NDRG1: variants seen among roughly 807,000 people sequenced by gnomAD.
NDRG1 encodes the protein protein NDRG1.
A neutral mutation model predicts 56.9 loss-of-function variants in NDRG1; 32 were observed. The ratio of observed to expected loss-of-function variants is 0.56; its 90% CI spans 0.42 to 0.76. The LOEUF (loss-of-function observed/expected upper bound fraction) is 0.76. Ranked by LOEUF, NDRG1 falls within the 30% of genes least tolerant of loss-of-function variation. The pLI is 0.00. For synonymous variants in NDRG1, 211 were observed against 204.1 expected, an observed-to-expected ratio of 1.03 and a Z score of -0.29; for missense variants, 507 against 545.7, an observed-to-expected ratio of 0.93 and a Z score of 0.71.
Position 133,246,609 on chromosome 8 carries a change from C to G in NDRG1, c.855+7G>C. ...ACAAACACGAACCCCCACTGTTTTCCCTGTACCTTGAGGAGAGTGGTCTTT... is the reference window on the plus strand; with the variant it reads ...ACAAACACGAACCCCCACTGTTTTCGCTGTACCTTGAGGAGAGTGGTCTTT... On this transcript the variant is annotated splice_region_variant and intron_variant, in intron 13 of 15. Transcript: ENST00000323851. 6.2e-7 allele frequency: 1 copy of G among 1,614,060 alleles called. No individual in the cohort carries two copies. Among genetic ancestry groups the G allele is most frequent in the Admixed American group, 1.7e-5 (1 of 60,014 alleles).
intron 3 of NDRG1, chr8:133,264,923 C>T: frequency 2.0e-6 from 1 of 502,740 alleles, no homozygotes; most frequent in East Asian, 3.7e-5. Context: ...TTGCCCGCCA[C>T]CATCTCTGCC....
chr8:133,264,115 C>A (rs1257222325), intron 4 of NDRG1, among the ~76,000 whole-genome samples: 1 of 151,820 alleles, frequency 6.6e-6, no homozygotes, highest in Non-Finnish European at 1.5e-5. Flanking sequence ...TCAATGTATA[C>A]AAAATTCCAG....
Position 133,261,913 on chromosome 8 carries a change from T to C in NDRG1, c.326+134A>G, listed in dbSNP as rs891300433. ...TTATGTTATGTATCTTTTCCCACAA[T>C]TTAAAAAGTGCTTAAGATGATACGT... On this transcript the variant is annotated intron_variant, in intron 5 of 15. Coordinates refer to ENST00000323851, the MANE Select transcript of NDRG1 (RefSeq NM_006096.4). 6 of 1,292,946 alleles carry C rather than the reference T, an allele frequency of 4.6e-6. No homozygotes were observed. The Admixed American group carries it at 9.9e-5, about 21-fold the overall frequency. 80.1% of individuals were successfully genotyped at this position (1,292,946 alleles called of 1,614,324 possible).
chr8:133,242,539 C>A (rs186817268), intron 14 of NDRG1, among the ~76,000 whole-genome samples: 1 of 152,332 alleles, frequency 6.6e-6, no homozygotes, highest in East Asian at 1.9e-4. Flanking sequence ...ACAGGTAAAT[C>A]CACTCAGGGT....
rs62514044 is a variant in NDRG1 at position 133,257,328 on chromosome 8, C to G, written c.451-465G>C. Among the ~76,000 whole-genome samples the G allele has an allele frequency of 1.8e-3, 262 of 148,766 alleles. 1 individual carries two copies. Among genetic ancestry groups the G allele is most frequent in the Middle Eastern group, 0.017 (5 of 290 alleles). On this transcript the variant is annotated intron_variant, in intron 7 of 15. Coordinates refer to ENST00000323851, the MANE Select transcript of NDRG1 (RefSeq NM_006096.4). ...ACACACACACACACAGAGAGAGAGA[C>G]AGAGTTATGCATCGCTGAATAACAG...
At chr8:133,279,576 C>T (rs1422489700) in intron 3 of NDRG1, among the ~76,000 whole-genome samples, 1 of 152,232 alleles carries the variant, frequency 6.6e-6, no homozygotes, top group Non-Finnish European at 1.5e-5. Context: ...GTGCGCCTCT[C>T]CTCCTTCAAG....
Position 133,261,997 on chromosome 8 carries a change from C to T in NDRG1, c.326+50G>A, listed in dbSNP as rs779153079. ...AGAGCAAAGCACCTGAACCCCTCCC[C>T]GACACCCAGTTTCCACCCTGTAGAG... On this transcript the variant is annotated intron_variant, in intron 5 of 15. Transcript: ENST00000323851. 6.3e-5 allele frequency: 97 copies of T among 1,540,398 alleles called. 1 individual carries two copies. Among genetic ancestry groups the T allele is most frequent in the African/African-American group, 8.3e-5 (6 of 71,876 alleles).
At chr8:133,285,017 G>A (rs1000043112) in intron 1 of NDRG1, 1 of 372,588 alleles carries the variant, frequency 2.7e-6, no homozygotes, top group African/African-American at 2.1e-5. Flanking sequence ...CTGGATCAAA[G>A]CAGGGGATGG....
intron 1 of NDRG1, among the ~76,000 whole-genome samples, chr8:133,295,725 T>A (rs4409387): frequency 0.024 from 3,593 of 152,326 alleles, 63 homozygotes; most frequent in African/African-American, 0.04. Flanking sequence ...AGATATGTTC[T>A]TTTGAGGCAG....
In NDRG1 at chr8:133,284,326, C is replaced by G. The variant is rs763485594; in HGVS notation, c.-15G>C. The G allele has an allele frequency of 1.2e-6, 2 of 1,614,104 alleles. No homozygotes were observed. The highest frequency in any genetic ancestry group is 2.2e-5 in the South Asian group (2 of 91,078). ...TCCCGAGACATGTCCCTGCTGTCAC[C>G]TGCCTGCAAGGAGACAAAGGCCAAA... On this transcript the variant is annotated 5_prime_UTR_variant, in exon 2 of 16. Coordinates refer to ENST00000323851, the MANE Select transcript of NDRG1 (RefSeq NM_006096.4).
intron 3 of NDRG1, among the ~76,000 whole-genome samples, chr8:133,270,028 C>A (rs567737820): frequency 1.3e-5 from 2 of 152,362 alleles, no homozygotes; most frequent in African/African-American, 4.8e-5. Flanking sequence ...CCATGCAAAC[C>A]CTGTTCTCTT....
intron 1 of NDRG1, among the ~76,000 whole-genome samples, chr8:133,289,851 G>A (rs1441814537): frequency 1.3e-5 from 2 of 152,190 alleles, no homozygotes; most frequent in Non-Finnish European, 2.9e-5. Flanking sequence ...TGGGGACCCT[G>A]CCACTTTCCT....
Position 133,271,775 on chromosome 8 carries a change from G to T in NDRG1, c.100-7123C>A, listed in dbSNP as rs1857197996. ...AGCATGGGCAACAAAGGGAGACCCTGTCTAAAAAAAAAAAAAAAAAAAAAA... is the reference window on the plus strand; with the variant it reads ...AGCATGGGCAACAAAGGGAGACCCTTTCTAAAAAAAAAAAAAAAAAAAAAA... On this transcript the variant is annotated intron_variant, in intron 3 of 15. Coordinates refer to ENST00000323851, the MANE Select transcript of NDRG1 (RefSeq NM_006096.4). Among the ~76,000 whole-genome samples the T allele has an allele frequency of 4.2e-5, 3 of 70,756 alleles. No homozygotes were observed. The South Asian group carries it at 2.2e-3, about 53-fold the overall frequency. The allele number at this position is 70,756 out of a possible 152,430, so 46.4% of individuals were successfully genotyped here. A position where few individuals can be genotyped will look rare whatever the true frequency, so the allele number is the denominator to read the frequency against.
At chr8:133,286,561 CTG>C (rs1858125663) in intron 1 of NDRG1, among the ~76,000 whole-genome samples, 1 of 152,192 alleles carries the variant, frequency 6.6e-6, no homozygotes, top group South Asian at 2.1e-4. Flanking sequence ...AAAAAAATCG[CTG>C]TGTGTCCTAG....
chr8:133,289,162 T>C (rs1858294415), intron 1 of NDRG1, among the ~76,000 whole-genome samples: 1 of 152,282 alleles, frequency 6.6e-6, no homozygotes, highest in East Asian at 1.9e-4. Context: ...GTGATCCTCC[T>C]ACTCCGGCCT....
At chr8:133,254,454 C>T (rs1428087020) in intron 9 of NDRG1, 85 bp downstream of exon 9, 6 of 1,450,830 alleles carry the variant, frequency 4.1e-6, no homozygotes, top group East Asian at 2.3e-5. Context: ...CTTGTTCTCT[C>T]CACCCCCACA....
chr8:133,264,843 C>A (rs1856837142), intron 3 of NDRG1, 191 bp from the exon 4 acceptor site: 2 of 638,396 alleles, frequency 3.1e-6, no homozygotes, highest in South Asian at 3.5e-5. Context: ...GGAGGGGACT[C>A]CCAGGAGGCA....
In NDRG1 at chr8:133,237,339, C is replaced by T. The variant is rs1008202806; in HGVS notation, c.*1539G>A. The stretch of plus-strand genomic sequence containing the variant: ...CAGGGAAGGCCTCCAAGGTGATGGG[C>T]GGCAGGTAACGAGTCATTGCCTCTC... On this transcript the variant is annotated 3_prime_UTR_variant, in exon 16 of 16. Transcript: ENST00000323851. 3.9e-5 allele frequency: 9 copies of T among 232,152 alleles called. No individual in the cohort carries two copies. Among genetic ancestry groups the T allele is most frequent in the Middle Eastern group, 1.3e-3 (1 of 778 alleles). The allele number at this position is 232,152 out of a possible 1,614,324, so 14.4% of individuals were successfully genotyped here.
chr8:133,255,194 A>G lies in NDRG1; in HGVS notation c.538-599T>C, dbSNP rs1258107160. Reference sequence around the variant, plus strand: ...ATTAGGCAAAAATGAGTAGGAGAGAAGCTCTAGACCTAAGGGTCTTTGGCT... The same window carrying G: ...ATTAGGCAAAAATGAGTAGGAGAGAGGCTCTAGACCTAAGGGTCTTTGGCT... On this transcript the variant is annotated intron_variant, in intron 8 of 15. Coordinates refer to ENST00000323851, the MANE Select transcript of NDRG1 (RefSeq NM_006096.4). The G allele has an allele frequency of 1.9e-5, 8 of 421,082 alleles. No individual in the cohort carries two copies. In the East Asian group the frequency reaches 2.1e-4, roughly 11 times the overall value. 26.1% of individuals were successfully genotyped at this position (421,082 alleles called of 1,614,324 possible). A position where few individuals can be genotyped will look rare whatever the true frequency, so the allele number is the denominator to read the frequency against.
Sources: gnomAD v4.1 joint callset for allele counts (sites outside exome capture counted in the v4.1 genomes callset) on GRCh38, gnomAD v4.1.1 for gene constraint, MANE v1.5 for transcripts, NCBI Gene and HGNC (gene_info 2026-07-23, HGNC 2026-07-21) for gene names.